ESRRB: variants seen among roughly 807,000 people sequenced by gnomAD.
The protein encoded by ESRRB is estrogen related receptor beta, also known as steroid hormone receptor ERR2.
A neutral mutation model predicts 46.0 loss-of-function variants in ESRRB; 16 were observed. The observed-to-expected ratio is 0.35, with a 90% CI of 0.24 to 0.53. The LOEUF is 0.53. Ranked by LOEUF, ESRRB falls within the 20% of genes least tolerant of loss-of-function variation. ESRRB has a pLI of 0.93. For synonymous variants in ESRRB, 246 were observed against 259.6 expected (o/e 0.95, Z 0.50); for missense variants, 488 against 607.4 (o/e 0.80, Z 2.07).
intron 1 of ESRRB, among the ~76,000 whole-genome samples, chr14:76,404,046 C>T (rs1300879123): frequency 1.3e-5 from 2 of 152,178 alleles, no homozygotes; most frequent in Admixed American, 1.3e-4. Context: ...GTGCTCCAAT[C>T]ATTGGTGTGA....
intron 5 of ESRRB, among the ~76,000 whole-genome samples, chr14:76,486,936 A>G (rs879910871): frequency 6.6e-6 from 1 of 152,216 alleles, no homozygotes; most frequent in Non-Finnish European, 1.5e-5. Flanking sequence ...AAGGGCAGGG[A>G]GGAGTGCCTG....
intron 1 of ESRRB, among the ~76,000 whole-genome samples, chr14:76,384,262 C>A (rs1489203111): frequency 1.3e-5 from 2 of 152,108 alleles, no homozygotes; most frequent in Admixed American, 6.5e-5. Flanking sequence ...ACTGCTTTTA[C>A]AGAAATAGTA....
At chr14:76,344,812 A>T (rs1314676044) in intron 1 of ESRRB, among the ~76,000 whole-genome samples, 1 of 150,182 alleles carries the variant, frequency 6.7e-6, no homozygotes, top group Non-Finnish European at 1.5e-5. Flanking sequence ...AGACGGTGCC[A>T]CTGCACTCCA....
chr14:76,483,619 T>A (rs554599175), intron 5 of ESRRB, among the ~76,000 whole-genome samples: 1 of 152,192 alleles, frequency 6.6e-6, no homozygotes, highest in African/African-American at 2.4e-5. Context: ...TACATACACA[T>A]TGGGGGCCTT....
At chr14:76,379,134 T>C (rs1483115838) in intron 1 of ESRRB, among the ~76,000 whole-genome samples, 3 of 152,176 alleles carry the variant, frequency 2.0e-5, no homozygotes. Context: ...GAGAGAAACA[T>C]ACGTACCTTC....
At chr14:76,466,028 C>G (rs1889094207) in intron 3 of ESRRB, among the ~76,000 whole-genome samples, 1 of 152,220 alleles carries the variant, frequency 6.6e-6, no homozygotes, top group African/African-American at 2.4e-5. Context: ...TTGGGTGTCC[C>G]TCCTGGCTCT....
chr14:76,336,424 C>T (rs1182450237), intron 1 of ESRRB, among the ~76,000 whole-genome samples: 1 of 152,254 alleles, frequency 6.6e-6, no homozygotes. Flanking sequence ...GAGCAGGCAG[C>T]AGATGGCTGG....
At chr14:76,332,328 A>T (rs1202780357) in intron 1 of ESRRB, among the ~76,000 whole-genome samples, 1 of 147,358 alleles carries the variant, frequency 6.8e-6, no homozygotes, top group Non-Finnish European at 1.5e-5. Context: ...AATTTTTGAG[A>T]CAGGGTCTCA....
chr14:76,390,784 G>A (rs771025537), intron 1 of ESRRB, among the ~76,000 whole-genome samples: 10 of 152,206 alleles, frequency 6.6e-5, no homozygotes, highest in African/African-American at 9.6e-5. Flanking sequence ...GGGGAAAGGC[G>A]CTGATGGAGA....
chr14:76,500,804 T>A lies in ESRRB; in HGVS notation c.*2346T>A. The stretch of plus-strand genomic sequence containing the variant: ...CTAGTGTTGCTGCGAGTGACCTCAC[T>A]TCAGAGCCCCTCTAGCAGAGTGGGG... On this transcript the variant is annotated 3_prime_UTR_variant, in exon 7 of 7. Transcript: ENST00000644823. 6.7e-7 allele frequency: 1 copy of A among 1,481,606 alleles called. No individual in the cohort carries two copies. Among genetic ancestry groups the A allele is most frequent in the Non-Finnish European group, 9.4e-7 (1 of 1,059,304 alleles). 91.8% of individuals were successfully genotyped at this position (1,481,606 alleles called of 1,614,324 possible).
intron 2 of ESRRB, among the ~76,000 whole-genome samples, chr14:76,449,836 G>A (rs866363023): frequency 6.8e-6 from 1 of 146,464 alleles, no homozygotes; most frequent in African/African-American, 2.6e-5. Context: ...ACATGATCAT[G>A]GCTTACTGTA....
intron 1 of ESRRB, among the ~76,000 whole-genome samples, chr14:76,328,394 C>A (rs1224578874): frequency 1.3e-5 from 2 of 152,200 alleles, no homozygotes; most frequent in African/African-American, 4.8e-5. Flanking sequence ...CCCCCTGAGT[C>A]GGGGACCAGG....
chr14:76,339,693 T>C (rs942259075), intron 1 of ESRRB, among the ~76,000 whole-genome samples: 17 of 152,174 alleles, frequency 1.1e-4, no homozygotes, highest in African/African-American at 4.1e-4. Flanking sequence ...TCTGGCCTCC[T>C]GGAGCCGACC....
chr14:76,471,560 G>A (rs561993364), intron 3 of ESRRB, among the ~76,000 whole-genome samples: 32 of 152,226 alleles, frequency 2.1e-4, no homozygotes, highest in African/African-American at 7.7e-4. Flanking sequence ...CCTCAAGCAT[G>A]ACAAACTGTT....
intron 6 of ESRRB, among the ~76,000 whole-genome samples, chr14:76,493,344 G>A (rs1244151481): frequency 1.3e-5 from 2 of 152,004 alleles, no homozygotes; most frequent in East Asian, 1.9e-4. Context: ...TAGTAGAGAC[G>A]GGGTTTCGCT....
chr14:76,356,577 T>C (rs1034612378), intron 1 of ESRRB, among the ~76,000 whole-genome samples: 2 of 152,186 alleles, frequency 1.3e-5, no homozygotes, highest in African/African-American at 4.8e-5. Flanking sequence ...CCCATGGCCA[T>C]GTGGCCCCAC....
intron 5 of ESRRB, among the ~76,000 whole-genome samples, chr14:76,490,018 C>G (rs546040223): frequency 2.0e-5 from 3 of 152,312 alleles, no homozygotes; most frequent in African/African-American, 7.2e-5. Flanking sequence ...TCTTTTCGCC[C>G]CCACAGCACC....
chr14:76,445,143 A>G (rs146963701), intron 2 of ESRRB, among the ~76,000 whole-genome samples: 1,542 of 143,818 alleles, frequency 0.011, 15 homozygotes, highest in Non-Finnish European at 0.016. Flanking sequence ...ACTATACTCC[A>G]GCCTGGGCAA....
intron 1 of ESRRB, among the ~76,000 whole-genome samples, chr14:76,436,410 C>T (rs1278980143): frequency 2.0e-5 from 3 of 152,242 alleles, no homozygotes; most frequent in Admixed American, 1.3e-4. Flanking sequence ...AGTGTATCTC[C>T]TGAGATCTCT....
Sources: allele counts gnomAD v4.1 joint callset (sites outside exome capture counted in the v4.1 genomes callset), GRCh38; gene constraint gnomAD v4.1.1; transcripts MANE v1.5; gene names NCBI Gene and HGNC (gene_info 2026-07-23, HGNC 2026-07-21).